CLTCL1: variants seen among roughly 807,000 people sequenced by gnomAD.
CLTCL1 encodes clathrin heavy chain like 1.
Under a neutral mutation model 190.0 loss-of-function variants are expected in CLTCL1, and 159 were observed. The ratio of observed to expected loss-of-function variants is 0.84; its 90% CI spans 0.74 to 0.95. The LOEUF is 0.95. CLTCL1 is among the 40% of genes least tolerant of loss of function. The probability of loss-of-function intolerance (pLI) is 0.00; values close to 1 mark genes in which losing one functional copy is unlikely to be tolerated. For synonymous variants in CLTCL1, 752 were observed against 769.6 expected (o/e 0.98, Z 0.38); for missense variants, 1,878 against 2,033.4 (o/e 0.92, Z 1.47).
chr22:19,203,623 T>A (rs930340219), intron 22 of CLTCL1, among the ~76,000 whole-genome samples: 2 of 151,982 alleles, frequency 1.3e-5, no homozygotes, highest in African/African-American at 4.8e-5. Flanking sequence ...GGCTTTGGGG[T>A]GCTCTGGCTT....
chr22:19,234,409 A>G (rs2086012535), intron 7 of CLTCL1, 100 bp downstream of exon 7: 3 of 1,061,346 alleles, frequency 2.8e-6, no homozygotes, highest in African/African-American at 3.2e-5. Flanking sequence ...TAACACTAAT[A>G]GACTGCAATA....
chr22:19,271,254 A>G (rs1035593010), intron 2 of CLTCL1, among the ~76,000 whole-genome samples: 3 of 152,146 alleles, frequency 2.0e-5, no homozygotes, highest in Non-Finnish European at 4.4e-5. Flanking sequence ...TCCCCACTCA[A>G]ATCTCATCTC....
chr22:19,248,029 G>A (rs2086473684), intron 3 of CLTCL1, among the ~76,000 whole-genome samples: 1 of 151,278 alleles, frequency 6.6e-6, no homozygotes, highest in South Asian at 2.1e-4. Context: ...GGGCATGGTG[G>A]CTCACACCTG....
chr22:19,180,134 C>CA, intron 32 of CLTCL1, 65 bp downstream of exon 32: 1 of 1,420,208 alleles, frequency 7.0e-7, no homozygotes. Flanking sequence ...AGGCAAGGAG[C>CA]GTGGGGTCAG....
chr22:19,216,998 C>T (rs1025801691), intron 18 of CLTCL1, among the ~76,000 whole-genome samples: 3 of 152,192 alleles, frequency 2.0e-5, no homozygotes, highest in Non-Finnish European at 4.4e-5. Flanking sequence ...TCTGGACGGT[C>T]TTTCATGGCT....
At chr22:19,197,786 C>T (rs972136434) in intron 24 of CLTCL1, among the ~76,000 whole-genome samples, 14 of 152,130 alleles carry the variant, frequency 9.2e-5, no homozygotes, top group Admixed American at 3.9e-4. Context: ...ATCCAGGAGC[C>T]AGCACACTCT....
At position 19,232,469 on chromosome 22, in the gene CLTCL1, C is replaced by T. The variant is rs143300892; in HGVS notation, c.1644+7G>A. The T allele has an allele frequency of 4.3e-4, 698 of 1,613,918 alleles. 14 individuals carry two copies. The East Asian group carries it at 0.015, about 34-fold the overall frequency. ...ACAAAAAGTTGTCCAAAACTGCCTA[C>T]GCTCACCTGGCTAATGTTGGCCAGC... On this transcript the variant is annotated splice_region_variant and intron_variant, in intron 10 of 32. Transcript: ENST00000427926.
At chr22:19,251,931 C>A (rs1273408102) in intron 3 of CLTCL1, among the ~76,000 whole-genome samples, 1 of 152,188 alleles carries the variant, frequency 6.6e-6, no homozygotes, top group African/African-American at 2.4e-5. Context: ...TGTAGATGCC[C>A]TTTATCAGGG....
intron 26 of CLTCL1, 77 bp downstream of exon 26, chr22:19,196,189 C>T: frequency 2.0e-6 from 3 of 1,471,728 alleles, no homozygotes; most frequent in Non-Finnish European, 2.8e-6. Context: ...ATTCCACTCC[C>T]ACCTGCCCAT....
intron 1 of CLTCL1, among the ~76,000 whole-genome samples, chr22:19,280,848 C>A: frequency 1.4e-5 from 2 of 144,954 alleles, no homozygotes; most frequent in South Asian, 2.2e-4. Flanking sequence ...AAGACAGTCA[C>A]ACAAAAAGAC....
At chr22:19,211,911 A>G (rs1303154632) in intron 19 of CLTCL1, among the ~76,000 whole-genome samples, 4 of 152,178 alleles carry the variant, frequency 2.6e-5, no homozygotes, top group African/African-American at 9.6e-5. Context: ...AACATACAAA[A>G]ATCAATTGTA....
In CLTCL1 at chr22:19,283,907, G is replaced by A. The variant is rs537938152; in HGVS notation, c.42+7693C>T. 6.0e-5 allele frequency among the ~76,000 whole-genome samples: 9 copies of A among 150,872 alleles called. No individual in the cohort carries two copies. The East Asian group carries it at 1.8e-3, about 30-fold the overall frequency. ...CTCAGGAGGCTGAGGAACAAGAATC[G>A]CTTGAAACCAGGAGGCAGAGGCTGG... On this transcript the variant is annotated intron_variant, in intron 1 of 32. Transcript: ENST00000427926.
chr22:19,191,130 G>A lies in CLTCL1; in HGVS notation c.4323+174C>T, dbSNP rs2084488430. On this transcript the variant is annotated intron_variant, in intron 27 of 32. Coordinates refer to ENST00000427926, the MANE Select transcript of CLTCL1 (RefSeq NM_007098.4). ...AATTTGAGAAGCACAATAAAATGAA[G>A]CATGATACGGGAGGTATTCCTGTAT... Among the ~76,000 whole-genome samples the A allele has an allele frequency of 1.3e-5, 2 of 152,204 alleles. 1 individual carries two copies. Among genetic ancestry groups the A allele is most frequent in the South Asian group, 4.1e-4 (2 of 4,828 alleles).
At position 19,208,211 on chromosome 22, in the gene CLTCL1, G is replaced by A; in HGVS notation, c.3543C>T (p.Ser1181=). The change falls in exon 22 of 33, where the codon AGC becomes AGT. Residue 1181 remains serine (S), a synonymous_variant. Coordinates refer to ENST00000427926, the MANE Select transcript of CLTCL1 (RefSeq NM_007098.4). The stretch of plus-strand genomic sequence containing the variant: ...TAAAATCTTCTAGCTCAGAAACACG[G>A]CTGGTTTTAGCCAAGGCAAAAATAA... The part of the protein sequence containing the change: ...TELIFALAKT[S]RVSELEDFIN... 1 of 1,613,830 alleles carries A rather than the reference G, an allele frequency of 6.2e-7. No individual in the cohort carries two copies.
intron 12 of CLTCL1, 84 bp from the exon 13 acceptor site, chr22:19,225,717 G>C (rs1236132275): frequency 4.2e-6 from 5 of 1,204,376 alleles, no homozygotes; most frequent in Non-Finnish European, 5.7e-6. Context: ...TCATTCTCCT[G>C]TTCCCCTGAG....
intron 13 of CLTCL1, among the ~76,000 whole-genome samples, 199 bp downstream of exon 13, chr22:19,225,254 T>C (rs1447799367): frequency 6.6e-6 from 1 of 152,190 alleles, no homozygotes; most frequent in Non-Finnish European, 1.5e-5. Context: ...CCTTTGGAAA[T>C]ACCAAAAAGG....
chr22:19,228,637 T>C (rs1339590561), intron 11 of CLTCL1, among the ~76,000 whole-genome samples: 2 of 152,168 alleles, frequency 1.3e-5, no homozygotes, highest in South Asian at 2.1e-4. Flanking sequence ...ATATGTTGTT[T>C]CCTAATTATA....
intron 3 of CLTCL1, among the ~76,000 whole-genome samples, chr22:19,251,602 G>A (rs887536512): frequency 2.0e-5 from 3 of 152,098 alleles, no homozygotes; most frequent in South Asian, 4.1e-4. Flanking sequence ...GACTACAGGC[G>A]CCCGCCACCG....
intron 1 of CLTCL1, among the ~76,000 whole-genome samples, chr22:19,279,011 G>A (rs779028517): frequency 7.9e-5 from 12 of 151,928 alleles, no homozygotes; most frequent in Non-Finnish European, 1.8e-4. Flanking sequence ...CAAAGTGCTG[G>A]GATTACAGGC....
Sources: allele counts gnomAD v4.1 joint callset (sites outside exome capture counted in the v4.1 genomes callset), GRCh38; gene constraint gnomAD v4.1.1; transcripts MANE v1.5; gene names NCBI Gene and HGNC (gene_info 2026-07-23, HGNC 2026-07-21).